ZXDC: variants seen among roughly 807,000 people sequenced by gnomAD.
The protein encoded by ZXDC is zinc finger protein ZXDC.
A neutral mutation model predicts 63.6 loss-of-function variants in ZXDC; 58 were observed. The ratio of observed to expected loss-of-function variants is 0.91; its 90% CI spans 0.74 to 1.13. ZXDC has a LOEUF of 1.13. Ranked by LOEUF, ZXDC falls within the 50% of genes most tolerant of loss-of-function variation. The probability of loss-of-function intolerance (pLI) is 0.00; values close to 1 mark genes in which losing one functional copy is unlikely to be tolerated. For synonymous variants in ZXDC, 561 were observed against 496.1 expected, an observed-to-expected ratio of 1.13 and a Z score of -1.74; for missense variants, 1,133 against 1,148.9, an observed-to-expected ratio of 0.99 and a Z score of 0.20.
At chr3:126,461,021 G>C (rs1560099192) in intron 6 of ZXDC, 2 of 983,224 alleles carry the variant, frequency 2.0e-6, no homozygotes, top group South Asian at 9.4e-5. Context: ...TAACTGTCCA[G>C]CCTCAAAACT....
chr3:126,455,143 C>T (rs56071014), intron 7 of ZXDC: 10 of 975,290 alleles, frequency 1.0e-5, no homozygotes, highest in Non-Finnish European at 1.2e-5. Context: ...ACCAAAAAAT[C>T]CCAAACCCAA....
At chr3:126,467,094 C>A (rs1405783966) in intron 4 of ZXDC, among the ~76,000 whole-genome samples, 1 of 152,150 alleles carries the variant, frequency 6.6e-6, no homozygotes, top group Non-Finnish European at 1.5e-5. Flanking sequence ...AGTGCCAACA[C>A]TGAAACATGC....
chr3:126,449,308 G>T (rs1043011156), intron 7 of ZXDC, among the ~76,000 whole-genome samples: 1 of 152,100 alleles, frequency 6.6e-6, no homozygotes, highest in Non-Finnish European at 1.5e-5. Context: ...TGATCCTCCC[G>T]CCTCGGCCTC....
chr3:126,457,393 T>C (rs1322166401), intron 7 of ZXDC: 2 of 985,412 alleles, frequency 2.0e-6, no homozygotes, highest in Middle Eastern at 5.2e-4. Flanking sequence ...GTGCCCTGCA[T>C]GTTTTGGAAA....
chr3:126,465,158 G>C (rs1214538710), intron 5 of ZXDC, among the ~76,000 whole-genome samples: 1 of 152,212 alleles, frequency 6.6e-6, no homozygotes, highest in African/African-American at 2.4e-5. Context: ...AGCCTCCACG[G>C]ACTGAGCAGC....
At chr3:126,447,184 A>G (rs929032179) in intron 7 of ZXDC, among the ~76,000 whole-genome samples, 2 of 152,228 alleles carry the variant, frequency 1.3e-5, no homozygotes, top group Non-Finnish European at 2.9e-5. Flanking sequence ...CAGGTGTTTA[A>G]GTTACTCTGG....
intron 3 of ZXDC, among the ~76,000 whole-genome samples, chr3:126,471,761 T>A (rs777501): frequency 0.5 from 76,480 of 151,594 alleles, 21,340 homozygotes; most frequent in Non-Finnish European, 0.62. Context: ...TAGCTTTTTT[T>A]AAAAAAAGTA....
At chr3:126,457,377 A>T in intron 7 of ZXDC, 1 of 985,420 alleles carries the variant, frequency 1.0e-6, no homozygotes. Context: ...GCGCGGGAAG[A>T]CACCAGTGCC....
Position 126,438,013 on chromosome 3 carries a change from C to G in ZXDC, c.*362G>C, listed in dbSNP as rs1248027480. 3.9e-6 allele frequency: 1 copy of G among 255,336 alleles called. No homozygotes were observed. The highest frequency in any genetic ancestry group is 7.6e-6 in the Non-Finnish European group (1 of 130,728). The allele number at this position is 255,336 out of a possible 1,614,324, so 15.8% of individuals were successfully genotyped here. A position where few individuals can be genotyped will look rare whatever the true frequency, so the allele number is the denominator to read the frequency against. On this transcript the variant is annotated 3_prime_UTR_variant, in exon 10 of 10. Coordinates refer to ENST00000389709, the MANE Select transcript of ZXDC (RefSeq NM_025112.5). Reference sequence around the variant, plus strand: ...ACAGATCAAGCTGCATCTGACTAGACAGCCTGTTCTCTACCCTATTTCCTG... The same window carrying G: ...ACAGATCAAGCTGCATCTGACTAGAGAGCCTGTTCTCTACCCTATTTCCTG...
intron 7 of ZXDC, chr3:126,442,608 G>A (rs1485354171): frequency 6.6e-6 from 1 of 152,178 alleles, no homozygotes; most frequent in Non-Finnish European, 1.5e-5. Context: ...AGGAACTCAA[G>A]CTCTGGGCCT....
chr3:126,472,970 A>G (rs909877452), intron 1 of ZXDC, among the ~76,000 whole-genome samples: 1 of 152,204 alleles, frequency 6.6e-6, no homozygotes, highest in African/African-American at 2.4e-5. Flanking sequence ...GGTGGAAAAC[A>G]TGAGGCTGCA....
At chr3:126,452,461 T>C in intron 7 of ZXDC, 1 of 985,388 alleles carries the variant, frequency 1.0e-6, no homozygotes, top group Middle Eastern at 5.2e-4. Flanking sequence ...CTCTCGTTCC[T>C]AACAGGTGAG....
intron 8 of ZXDC, 117 bp from the exon 9 acceptor site, chr3:126,439,844 G>A: frequency 2.8e-6 from 4 of 1,454,050 alleles, no homozygotes; most frequent in Non-Finnish European, 3.6e-6. Flanking sequence ...CCCACCCCCT[G>A]TATTCCAAGG....
At chr3:126,466,003 G>T in intron 5 of ZXDC, 152 bp downstream of exon 5, 1 of 781,154 alleles carries the variant, frequency 1.3e-6, no homozygotes. Context: ...AAGTGGCAGA[G>T]AGTGCAAAAG....
intron 7 of ZXDC, chr3:126,454,725 T>A: frequency 1.0e-6 from 1 of 985,470 alleles, no homozygotes; most frequent in Non-Finnish European, 1.2e-6. Flanking sequence ...TCTCTGCCCT[T>A]AGACAGCAGA....
rs1195735395 is a variant in ZXDC, at chr3:126,475,806, G to A, written c.60C>T (p.Gly20=). 4 of 1,088,796 alleles carry A rather than the reference G, an allele frequency of 3.7e-6. No homozygotes were observed. The highest frequency in any genetic ancestry group is 3.4e-5 in the African/African-American group (2 of 59,328). The allele number at this position is 1,088,796 out of a possible 1,614,324, so 67.4% of individuals were successfully genotyped here. A position where few individuals can be genotyped will look rare whatever the true frequency, so the allele number is the denominator to read the frequency against. The change falls in exon 1 of 10, where the codon GGC becomes GGT. Residue 20 remains glycine, a synonymous_variant. Coordinates refer to ENST00000389709, the MANE Select transcript of ZXDC (RefSeq NM_025112.5). The stretch of plus-strand genomic sequence containing the variant: ...CTGGGGCTCGGCGGAGCGGGCCGGG[G>A]CCGCCGCCATGTTGCCCTCCGCGCG... The part of the protein sequence containing the change: ...PTARGGQHGG[G]PGPLRRAPAP...
chr3:126,439,862 G>T, intron 8 of ZXDC, 135 bp from the exon 9 acceptor site: 1 of 1,441,310 alleles, frequency 6.9e-7, no homozygotes, highest in Admixed American at 2.8e-5. Context: ...AGGGAGGCCC[G>T]AGGACCCAGC....
At chr3:126,464,703 G>GCCAAAC (rs1934686616) in intron 5 of ZXDC, among the ~76,000 whole-genome samples, 1 of 151,742 alleles carries the variant, frequency 6.6e-6, no homozygotes, top group African/African-American at 2.4e-5. Flanking sequence ...GAGAGGGAAC[G>GCCAAAC]GCCAAACAGG....
chr3:126,475,488 C>T lies in ZXDC; in HGVS notation c.378G>A (p.Ala126=), dbSNP rs1935167360. 1 of 1,220,116 alleles carries T rather than the reference C, an allele frequency of 8.2e-7. No individual in the cohort carries two copies. Among genetic ancestry groups the T allele is most frequent in the Admixed American group, 4.5e-5 (1 of 22,346 alleles). The allele number at this position is 1,220,116 out of a possible 1,614,324, so 75.6% of individuals were successfully genotyped here. ...AAPPGPGVAP[A]GAVTISSQDL... The stretch of plus-strand genomic sequence containing the variant: ...CCTGGCTGCTGATGGTGACGGCGCC[C>T]GCCGGGGCTACGCCAGGGCCGGGGG... Residue 126 remains alanine, a synonymous_variant, in exon 1 of 10, where the codon GCG becomes GCA. Coordinates refer to ENST00000389709, the MANE Select transcript of ZXDC (RefSeq NM_025112.5).
Sources: allele counts gnomAD v4.1 joint callset (sites outside exome capture counted in the v4.1 genomes callset), GRCh38; gene constraint gnomAD v4.1.1; transcripts MANE v1.5; gene names NCBI Gene and HGNC (gene_info 2026-07-23, HGNC 2026-07-21).